SHBG: variants seen among roughly 807,000 people sequenced by gnomAD.
SHBG encodes the protein sex hormone-binding globulin.
In SHBG, 37 loss-of-function variants were observed where a neutral mutation model predicts 41.9. The ratio of observed to expected loss-of-function variants is 0.88; its 90% CI spans 0.68 to 1.16. The LOEUF (loss-of-function observed/expected upper bound fraction) is 1.16, where lower values mean the gene tolerates loss of function less well. Ranked by LOEUF, SHBG falls within the 50% of genes most tolerant of loss-of-function variation. The pLI is 0.00. For synonymous variants in SHBG, 217 were observed against 205.8 expected, an observed-to-expected ratio of 1.05 and a Z score of -0.47; for missense variants, 466 against 499.9, an observed-to-expected ratio of 0.93 and a Z score of 0.65.
chr17:7,627,726 G>T, upstream of SHBG: 1 of 1,448,656 alleles, frequency 6.9e-7, no homozygotes, highest in Non-Finnish European at 9.7e-7. This position sits in a 1 kb window ranked among gnomAD's most constrained non-coding sequence, Gnocchi z 4.8. Flanking sequence ...ATCCTGAAGA[G>T]CCTGAGAGAG....
intron 1 of SHBG, among the ~76,000 whole-genome samples, chr17:7,616,627 C>A (rs971680143): frequency 1.4e-5 from 2 of 144,690 alleles, no homozygotes; most frequent in African/African-American, 5.2e-5. Flanking sequence ...TCCATCTCAA[C>A]AACAACAACA....
At chr17:7,614,406 G>T in intron 1 of SHBG, 1 of 1,375,942 alleles carries the variant, frequency 7.3e-7, no homozygotes, top group Non-Finnish European at 1.0e-6. Flanking sequence ...CTCCGGCCAG[G>T]GGAGGGGGCT....
upstream of SHBG, among the ~76,000 whole-genome samples, chr17:7,623,924 G>C (rs2072143747): frequency 6.6e-6 from 1 of 152,052 alleles, no homozygotes; most frequent in Non-Finnish European, 1.5e-5. Context: ...ACTGACCTGG[G>C]CAAATTTTAT....
upstream of SHBG, chr17:7,626,696 C>A (rs1172132662): frequency 6.2e-7 from 1 of 1,612,838 alleles, no homozygotes; most frequent in Non-Finnish European, 8.5e-7. Flanking sequence ...CCGGGTCCCC[C>A]CTCCATATAC....
In SHBG at chr17:7,630,179, A is replaced by C. The variant is rs2072351768; in HGVS notation, c.7A>C (p.Ser3Arg). MESRGPLATSRLL... is the reference protein window; with the variant it reads MERRGPLATSRLL... Reference sequence around the variant, plus strand: ...GAGTGGACAGTGGCTGATTATGGAGAGCAGAGGCCCACTGGCTACCTCGCG... The same window carrying C: ...GAGTGGACAGTGGCTGATTATGGAGCGCAGAGGCCCACTGGCTACCTCGCG... The change falls in exon 1 of 8, where the codon AGC (serine) becomes CGC (arginine). Residue 3 changes from serine to arginine, a missense_variant. Coordinates refer to ENST00000380450, the MANE Select transcript of SHBG (RefSeq NM_001040.5). The surrounding 1 kb of genome is among the most constrained non-coding windows in gnomAD (Gnocchi z 4.6). 3 of 1,613,534 alleles carry C rather than the reference A, an allele frequency of 1.9e-6. No homozygotes were observed. The South Asian group carries it at 3.3e-5, about 18-fold the overall frequency.
intron 1 of SHBG, among the ~76,000 whole-genome samples, chr17:7,616,075 C>T (rs1447733741): frequency 6.9e-6 from 1 of 144,042 alleles, no homozygotes; most frequent in African/African-American, 2.6e-5. Flanking sequence ...GCCGAGATCA[C>T]GGGCGGGCGG....
chr17:7,627,142 C>T, upstream of SHBG: 1 of 1,614,074 alleles, frequency 6.2e-7, no homozygotes, highest in Non-Finnish European at 8.5e-7. The surrounding 1 kb of genome is among the most constrained non-coding windows in gnomAD (Gnocchi z 4.8). Flanking sequence ...GGTGCTCTTA[C>T]CCAGTAGCTT....
chr17:7,633,167 A>T (rs764182154), intron 7 of SHBG, 37 bp from the exon 8 acceptor site: 1 of 1,612,824 alleles, frequency 6.2e-7, no homozygotes, highest in Non-Finnish European at 8.5e-7. Context: ...GAGCCACCTT[A>T]ATGCTCTAAT....
rs2072412506 is a variant in SHBG at position 7,631,530 on chromosome 17, A to T, written c.556-59A>T. ...GTCAACTGAGGGCAGGGAGGTCGGGACTGCGGCTCCGATGCCCTGATTTCT... is the reference window on the plus strand; with the variant it reads ...GTCAACTGAGGGCAGGGAGGTCGGGTCTGCGGCTCCGATGCCCTGATTTCT... On this transcript the variant is annotated intron_variant, in intron 4 of 7. Transcript: ENST00000380450. The T allele has an allele frequency of 4.4e-6, 7 of 1,599,342 alleles. No homozygotes were observed. In the East Asian group the frequency reaches 1.6e-4, roughly 36 times the overall value.
upstream of SHBG, chr17:7,627,570 C>A (rs144967278): frequency 5.3e-5 from 86 of 1,609,926 alleles, no homozygotes; most frequent in Non-Finnish European, 6.6e-5. This position sits in a 1 kb window ranked among gnomAD's most constrained non-coding sequence, Gnocchi z 4.8. Context: ...CAGTCTTCAC[C>A]CGAATCAGCC....
upstream of SHBG, among the ~76,000 whole-genome samples, chr17:7,623,828 C>T (rs1238345115): frequency 2.0e-5 from 3 of 151,992 alleles, no homozygotes; most frequent in Admixed American, 6.6e-5. Flanking sequence ...GTGGCACAAA[C>T]GTGACTCACT....
upstream of SHBG, chr17:7,627,123 T>C: frequency 6.2e-7 from 1 of 1,613,998 alleles, no homozygotes; most frequent in Non-Finnish European, 8.5e-7. The surrounding 1 kb of genome is among the most constrained non-coding windows in gnomAD (Gnocchi z 4.8). Context: ...GGTGGACTTC[T>C]AAGGGCCAGG....
intron 1 of SHBG, among the ~76,000 whole-genome samples, chr17:7,620,848 C>T (rs1433187162): frequency 6.6e-6 from 1 of 151,880 alleles, no homozygotes; most frequent in Non-Finnish European, 1.5e-5. Flanking sequence ...TCAGGCTGGT[C>T]GCGAACTCCT....
At chr17:7,632,105 G>A (rs1220669065) in intron 6 of SHBG, 90 bp downstream of exon 6, 26 of 1,363,750 alleles carry the variant, frequency 1.9e-5, no homozygotes, top group Non-Finnish European at 2.6e-5. Flanking sequence ...TATTAGGAAG[G>A]TTTCCAGCCC....
chr17:7,621,601 T>TAAAA (rs747951932), intron 1 of SHBG, among the ~76,000 whole-genome samples: 8 of 46,928 alleles, frequency 1.7e-4, no homozygotes, highest in South Asian at 1.7e-3. Context: ...AGTCTCCGTC[T>TAAAA]AAAAAAAAAA....
At chr17:7,627,481 A>G, upstream of SHBG, 5 of 1,606,828 alleles carry the variant, frequency 3.1e-6, no homozygotes, top group Non-Finnish European at 4.3e-6. This position sits in a 1 kb window ranked among gnomAD's most constrained non-coding sequence, Gnocchi z 4.8. Flanking sequence ...CAGGTTCCCA[A>G]GGCGAGCCCC....
At chr17:7,624,626 CAA>C (rs1351992639), upstream of SHBG, among the ~76,000 whole-genome samples, 1 of 151,982 alleles carries the variant, frequency 6.6e-6, no homozygotes, top group Non-Finnish European at 1.5e-5. Context: ...CTCAACCTCT[CAA>C]AGTGTTGAGA....
At chr17:7,626,796 G>A (rs757249879), upstream of SHBG, 1 of 1,614,062 alleles carries the variant, frequency 6.2e-7, no homozygotes, top group Non-Finnish European at 8.5e-7. Context: ...CCCTTGACCT[G>A]TTGTGGAGAG....
intron 1 of SHBG, among the ~76,000 whole-genome samples, chr17:7,620,363 C>T (rs972282747): frequency 6.6e-6 from 1 of 152,172 alleles, no homozygotes; most frequent in Non-Finnish European, 1.5e-5. Flanking sequence ...GTTGCCTAGG[C>T]TAGAGTGCAG....
Sources: gnomAD v4.1 joint callset for allele counts (sites outside exome capture counted in the v4.1 genomes callset) on GRCh38, gnomAD v4.1.1 for gene constraint, Gnocchi (gnomAD v3.1) non-coding constraint, MANE v1.5 for transcripts, NCBI Gene and HGNC (gene_info 2026-07-23, HGNC 2026-07-21) for gene names.